Variants in ZNF76 observed in about 807,000 individuals in gnomAD.
ZNF76 encodes zinc finger protein 523.
ZNF76 carries 66 observed loss-of-function variants against 66.9 expected under a neutral mutation model. The observed-to-expected ratio is 0.99, with a 90% CI of 0.81 to 1.21. ZNF76 has a LOEUF of 1.21. ZNF76 is among the 50% of genes most tolerant of loss of function. The probability of loss-of-function intolerance (pLI) is 0.00; values close to 1 mark genes in which losing one functional copy is unlikely to be tolerated. For missense variants in ZNF76, 729 were observed against 760.3 expected (o/e 0.96, Z 0.48); for synonymous variants, 275 against 296.1 (o/e 0.93, Z 0.73).
At chr6:35,259,618 G>A (rs531915123), upstream of ZNF76, 13 of 151,760 alleles carry the variant, frequency 8.6e-5, no homozygotes, top group African/African-American at 3.2e-4. Flanking sequence ...GCGAAGCGGG[G>A]GGCGGGGTGG....
In ZNF76 at chr6:35,287,075, G is replaced by A. The variant is rs549743400; in HGVS notation, c.233-571G>A. On this transcript the variant is annotated intron_variant, in intron 4 of 13. Coordinates refer to ENST00000373953, the MANE Select transcript of ZNF76 (RefSeq NM_003427.5). This position sits in a 1 kb window ranked among gnomAD's most constrained non-coding sequence, Gnocchi z 4.0. ...CAGGCAGAAGGAATAGCATGTGCAG[G>A]CCTAGAGCTGGGGGGAAGAAAGAAC... 9.2e-5 allele frequency among the ~76,000 whole-genome samples: 14 copies of A among 152,252 alleles called. No homozygotes were observed. The South Asian group carries it at 2.9e-3, about 32-fold the overall frequency.
chr6:35,289,624 C>T (rs1790086160), intron 5 of ZNF76, among the ~76,000 whole-genome samples: 1 of 152,144 alleles, frequency 6.6e-6, no homozygotes, highest in African/African-American at 2.4e-5. Context: ...GTGGCTTTAG[C>T]AATATCCCAG....
chr6:35,293,938 G>A, intron 12 of ZNF76, 23 bp downstream of exon 12: 1 of 1,611,010 alleles, frequency 6.2e-7, no homozygotes, highest in Non-Finnish European at 8.5e-7. Flanking sequence ...GGTTTGCTTG[G>A]GGTTTCTTAT....
intron 1 of ZNF76, among the ~76,000 whole-genome samples, chr6:35,265,157 TA>T (rs1187503350): frequency 6.6e-6 from 1 of 151,854 alleles, no homozygotes; most frequent in Non-Finnish European, 1.5e-5. Context: ...AGACAGACAA[TA>T]AACAAATAAG....
At chr6:35,266,797 C>CTTTTTTTTTTTTTTTTTTTTTT (rs57833954) in intron 1 of ZNF76, among the ~76,000 whole-genome samples, 1 of 93,280 alleles carries the variant, frequency 1.1e-5, no homozygotes, top group African/African-American at 4.2e-5. Flanking sequence ...TTGTCTATTT[C>CTTTTTTTTTTTTTTTTTTTTTT]TTTTTTTTTT....
intron 1 of ZNF76, chr6:35,279,361 G>A (rs1413019235): frequency 6.6e-6 from 1 of 150,834 alleles, no homozygotes; most frequent in Non-Finnish European, 1.5e-5. Flanking sequence ...CTTTATACAT[G>A]TAAGTACATC....
chr6:35,284,291 A>G (rs760054539), intron 2 of ZNF76, among the ~76,000 whole-genome samples: 1 of 151,686 alleles, frequency 6.6e-6, no homozygotes, highest in Non-Finnish European at 1.5e-5. Flanking sequence ...ACACGGTTTC[A>G]TGATGTTGGC....
At chr6:35,265,869 G>A (rs144299923) in intron 1 of ZNF76, among the ~76,000 whole-genome samples, 508 of 152,306 alleles carry the variant, frequency 3.3e-3, no homozygotes, top group African/African-American at 0.011. Flanking sequence ...TGAGATGGTA[G>A]CCATTAGAGA....
intron 2 of ZNF76, among the ~76,000 whole-genome samples, chr6:35,282,983 G>A (rs1020325287): frequency 5.9e-5 from 9 of 152,134 alleles, no homozygotes; most frequent in Admixed American, 5.9e-4. Flanking sequence ...TCCCACTCCA[G>A]GTCTTGCCCC....
At position 35,295,300 on chromosome 6, in the gene ZNF76, G is replaced by A; in HGVS notation, c.*52G>A. On this transcript the variant is annotated 3_prime_UTR_variant, in exon 14 of 14. Coordinates refer to ENST00000373953, the MANE Select transcript of ZNF76 (RefSeq NM_003427.5). ...TGCTGGAGGAAGTGCCATCTGCATGGCCACTCTTGCCCCCAAGGGCCCAGG... is the reference window on the plus strand; with the variant it reads ...TGCTGGAGGAAGTGCCATCTGCATGACCACTCTTGCCCCCAAGGGCCCAGG... 1.4e-6 allele frequency: 2 copies of A among 1,462,178 alleles called. No homozygotes were observed. Among genetic ancestry groups the A allele is most frequent in the East Asian group, 2.5e-5 (1 of 40,794 alleles). The allele number at this position is 1,462,178 out of a possible 1,614,324, so 90.6% of individuals were successfully genotyped here.
chr6:35,266,037 A>G (rs1786000162), intron 1 of ZNF76, among the ~76,000 whole-genome samples: 1 of 152,216 alleles, frequency 6.6e-6, no homozygotes, highest in South Asian at 2.1e-4. Flanking sequence ...CTTGAACCCA[A>G]GGTGAAGCAA....
intron 1 of ZNF76, among the ~76,000 whole-genome samples, chr6:35,278,582 G>C (rs1392081410): frequency 6.6e-6 from 1 of 152,212 alleles, no homozygotes; most frequent in African/African-American, 2.4e-5. Context: ...AAACAGTTTG[G>C]GTAGCACCAG....
At chr6:35,267,648 G>A (rs1786354174) in intron 1 of ZNF76, among the ~76,000 whole-genome samples, 1 of 152,234 alleles carries the variant, frequency 6.6e-6, no homozygotes, top group Non-Finnish European at 1.5e-5. Context: ...TGGAGAAGAC[G>A]AATCTGTGCC....
chr6:35,263,330 A>G (rs1380630485), intron 1 of ZNF76, among the ~76,000 whole-genome samples: 4 of 152,186 alleles, frequency 2.6e-5, no homozygotes, highest in Non-Finnish European at 5.9e-5. Context: ...TGCTTGCTGT[A>G]TATGCCCTCA....
Position 35,286,279 on chromosome 6 carries a change from G to A in ZNF76, c.155-43G>A, listed in dbSNP as rs999947718. 3.1e-6 allele frequency: 5 copies of A among 1,613,418 alleles called. No homozygotes were observed. In the African/African-American group the frequency reaches 5.3e-5, roughly 17 times the overall value. ...AGCCCCCACCAAGGGACCCCTCCAT[G>A]GCACTGAGCTCCAGGGAAAGGCAGG... On this transcript the variant is annotated intron_variant, in intron 3 of 13. Coordinates refer to ENST00000373953, the MANE Select transcript of ZNF76 (RefSeq NM_003427.5).
chr6:35,274,150 C>G (rs1208973786), intron 1 of ZNF76, among the ~76,000 whole-genome samples: 4 of 152,214 alleles, frequency 2.6e-5, no homozygotes, highest in Non-Finnish European at 5.9e-5. Flanking sequence ...TGTCTTTTTT[C>G]TCATGAGAAG....
In ZNF76 at chr6:35,293,001, G is replaced by A; in HGVS notation, c.1286G>A (p.Gly429Glu). 6.2e-7 allele frequency: 1 copy of A among 1,614,100 alleles called. No individual in the cohort carries two copies. The highest frequency in any genetic ancestry group is 8.5e-7 in the Non-Finnish European group (1 of 1,180,038). The change falls in exon 11 of 14, where the codon GGG becomes GAG. Residue 429 changes from glycine to glutamate, a missense_variant. Physicochemically the swap from Gly to Glu is moderately conservative, Grantham distance 98 (BLOSUM62 -2). Coordinates refer to ENST00000373953, the MANE Select transcript of ZNF76 (RefSeq NM_003427.5). ...AQVAMVTEED[G>E]APQVALITQD... Reference sequence around the variant, plus strand: ...GTGGCGATGGTGACTGAAGAAGATGGGGCCCCCCAGGTGGCTCTGATCACT... The same window carrying A: ...GTGGCGATGGTGACTGAAGAAGATGAGGCCCCCCAGGTGGCTCTGATCACT...
chr6:35,266,823 A>T (rs1303936493), intron 1 of ZNF76, among the ~76,000 whole-genome samples: 7 of 82,196 alleles, frequency 8.5e-5, no homozygotes, highest in Non-Finnish European at 1.2e-4. Flanking sequence ...TTTTTTTGAG[A>T]CGGAGTCTCG....
chr6:35,268,269 TA>T (rs1786449560), intron 1 of ZNF76, among the ~76,000 whole-genome samples: 1 of 152,208 alleles, frequency 6.6e-6, no homozygotes, highest in Non-Finnish European at 1.5e-5. Context: ...TGTAACCCTT[TA>T]ACTGCATCTG....
Sources: gnomAD v4.1 joint callset for allele counts (sites outside exome capture counted in the v4.1 genomes callset) on GRCh38, gnomAD v4.1.1 for gene constraint, Gnocchi (gnomAD v3.1) non-coding constraint, MANE v1.5 for transcripts, NCBI Gene and HGNC (gene_info 2026-07-23, HGNC 2026-07-21) for gene names.